The following CTNNA1 variants were observed in gnomAD, a reference collection of about 807,000 sequenced individuals.
CTNNA1 encodes the protein catenin alpha 1.
In CTNNA1, 37 loss-of-function variants were observed where a neutral mutation model predicts 98.4. The ratio of observed to expected loss-of-function variants is 0.38; its 90% CI spans 0.29 to 0.49. The LOEUF is 0.49. Ranked by LOEUF, CTNNA1 falls within the 20% of genes least tolerant of loss-of-function variation. The pLI is 0.95. For synonymous variants in CTNNA1, 404 were observed against 413.2 expected (o/e 0.98, Z 0.27); for missense variants, 761 against 1,147.2 (o/e 0.66, Z 4.86).
chr5:138,755,228 A>C (rs1329342719), intron 1 of CTNNA1: 1 of 152,262 alleles, frequency 6.6e-6, no homozygotes, highest in Non-Finnish European at 1.5e-5. Context: ...TAGTAACAAC[A>C]AAAGAAACTT....
At chr5:138,776,904 C>A (rs1362767475) in intron 1 of CTNNA1, among the ~76,000 whole-genome samples, 1 of 123,652 alleles carries the variant, frequency 8.1e-6, no homozygotes, top group East Asian at 2.6e-4. Flanking sequence ...AGGGGGCTGA[C>A]CCCCCCACCT....
At chr5:138,858,686 C>T (rs1763972406) in intron 7 of CTNNA1, among the ~76,000 whole-genome samples, 1 of 150,992 alleles carries the variant, frequency 6.6e-6, no homozygotes, top group African/African-American at 2.4e-5. Context: ...ACCTCCGCCT[C>T]CCGCATTCAA....
At chr5:138,900,032 T>C (rs972453903) in intron 9 of CTNNA1, among the ~76,000 whole-genome samples, 6 of 152,222 alleles carry the variant, frequency 3.9e-5, no homozygotes, top group Non-Finnish European at 5.9e-5. Context: ...ATTGGAAAGG[T>C]AGGGGCTTAT....
chr5:138,851,872 A>G (rs1430363822), intron 7 of CTNNA1, among the ~76,000 whole-genome samples: 1 of 152,116 alleles, frequency 6.6e-6, no homozygotes, highest in Non-Finnish European at 1.5e-5. Context: ...TCTGGCCAAC[A>G]TGGTGAAACC....
intron 7 of CTNNA1, among the ~76,000 whole-genome samples, chr5:138,832,025 C>G (rs569049135): frequency 3.3e-4 from 51 of 152,246 alleles, no homozygotes; most frequent in Non-Finnish European, 5.9e-4. Flanking sequence ...TTAGATCTTT[C>G]ACTATACAGA....
chr5:138,783,940 A>G (rs1755405049), intron 3 of CTNNA1, among the ~76,000 whole-genome samples: 1 of 152,250 alleles, frequency 6.6e-6, no homozygotes, highest in South Asian at 2.1e-4. Context: ...GTTTTGGGAA[A>G]TTCAGAATTG....
chr5:138,883,201 T>A (rs1753318975), intron 7 of CTNNA1, among the ~76,000 whole-genome samples: 1 of 152,188 alleles, frequency 6.6e-6, no homozygotes, highest in Admixed American at 6.5e-5. Context: ...CTTTATACTT[T>A]CCTCAAGCTC....
Position 138,844,286 on chromosome 5 carries a change from G to A in CTNNA1, c.1062+16568G>A, listed in dbSNP as rs181639148. On this transcript the variant is annotated intron_variant, in intron 7 of 17. Transcript: ENST00000302763. ...GCTGGGATTATAGACACAAGCCACC[G>A]CACCTGGCCCCAGAGTCATATTTTT... is the stretch of plus-strand genomic sequence containing the variant. Among the ~76,000 whole-genome samples the A allele has an allele frequency of 1.1e-3, 163 of 152,176 alleles. 1 individual carries two copies. Among genetic ancestry groups the A allele is most frequent in the Admixed American group, 3.0e-3 (46 of 15,280 alleles).
At chr5:138,816,327 C>T (rs1043488319) in intron 5 of CTNNA1, among the ~76,000 whole-genome samples, 2 of 152,210 alleles carry the variant, frequency 1.3e-5, no homozygotes, top group African/African-American at 4.8e-5. Context: ...GTGAATAGAG[C>T]TGCAGTAAAC....
At chr5:138,840,402 G>A (rs939814861) in intron 7 of CTNNA1, among the ~76,000 whole-genome samples, 1 of 152,192 alleles carries the variant, frequency 6.6e-6, no homozygotes, top group South Asian at 2.1e-4. Context: ...TCGTGTGTTT[G>A]TGTGTGCAAT....
At chr5:138,927,122 T>G (rs1764234702) in intron 13 of CTNNA1, among the ~76,000 whole-genome samples, 1 of 152,196 alleles carries the variant, frequency 6.6e-6, no homozygotes, top group African/African-American at 2.4e-5. Context: ...TTCATGCAGG[T>G]GCCACTCAGC....
rs756586452 is a variant in CTNNA1 at position 138,825,482 on chromosome 5, G to GTTTTTTTTTT, written c.858+690_858+699dup. The stretch of plus-strand genomic sequence containing the variant: ...CTTCCAGTAGATGGCAGCAGTATAA[G>GTTTTTTTTTT]TTTTTTTTTTTTTTTTAGGGCTTTA... On this transcript the variant is annotated intron_variant, in intron 6 of 17. Transcript: ENST00000302763. Among the ~76,000 whole-genome samples the GTTTTTTTTTT allele has an allele frequency of 1.6e-3, 118 of 74,106 alleles. 19 individuals carry two copies. Among genetic ancestry groups the GTTTTTTTTTT allele is most frequent in the African/African-American group, 5.9e-3 (102 of 17,288 alleles). 48.6% of individuals were successfully genotyped at this position (74,106 alleles called of 152,430 possible).
At chr5:138,843,739 A>G (rs1207279811) in intron 7 of CTNNA1, among the ~76,000 whole-genome samples, 1 of 152,180 alleles carries the variant, frequency 6.6e-6, no homozygotes. Context: ...GAGATTGGAG[A>G]ATGGGATAGC....
chr5:138,775,547 A>G (rs1429236607), intron 1 of CTNNA1, among the ~76,000 whole-genome samples: 1 of 152,064 alleles, frequency 6.6e-6, no homozygotes, highest in South Asian at 2.1e-4. Context: ...ATGACAGTAT[A>G]ATGATGAAAA....
In CTNNA1 at chr5:138,893,642, G is replaced by T. The variant is rs1180215402; in HGVS notation, c.1296+6000G>T. On this transcript the variant is annotated intron_variant, in intron 9 of 17. Transcript: ENST00000302763. ...TTTTAAAATTTATTTGTTTATTTTTGAGATGGAGTCTCTCTCTGTCACCCA... is the reference window on the plus strand; with the variant it reads ...TTTTAAAATTTATTTGTTTATTTTTTAGATGGAGTCTCTCTCTGTCACCCA... Among the ~76,000 whole-genome samples, 11 of 147,572 alleles carry T rather than the reference G, an allele frequency of 7.5e-5. No individual in the cohort carries two copies. In the East Asian group the frequency reaches 2.2e-3, roughly 29 times the overall value.
chr5:138,758,981 T>G (rs1370936881), intron 1 of CTNNA1, among the ~76,000 whole-genome samples: 2 of 152,212 alleles, frequency 1.3e-5, no homozygotes, highest in African/African-American at 4.8e-5. Context: ...TTTTGTATTT[T>G]AAGTAGAGAC....
intron 11 of CTNNA1, among the ~76,000 whole-genome samples, chr5:138,920,240 A>G (rs1228470821): frequency 6.6e-6 from 1 of 152,092 alleles, no homozygotes; most frequent in Non-Finnish European, 1.5e-5. Context: ...TCAGCCTCCC[A>G]AAGTGCTAGG....
intron 1 of CTNNA1, among the ~76,000 whole-genome samples, chr5:138,767,161 G>C (rs1291747765): frequency 1.3e-5 from 2 of 151,898 alleles, no homozygotes; most frequent in Non-Finnish European, 2.9e-5. Flanking sequence ...TCAGCCTCCC[G>C]AGTAGCTAGG....
chr5:138,827,926 A>C (rs1760880983), intron 7 of CTNNA1: 1 of 582,916 alleles, frequency 1.7e-6, no homozygotes, highest in South Asian at 2.1e-5. Context: ...TCAACTTATA[A>C]AAATCATACA....
Sources: allele counts gnomAD v4.1 joint callset (sites outside exome capture counted in the v4.1 genomes callset), GRCh38; gene constraint gnomAD v4.1.1; transcripts MANE v1.5; gene names NCBI Gene and HGNC (gene_info 2026-07-23, HGNC 2026-07-21).